GRM4: variants seen among roughly 807,000 people sequenced by gnomAD.
The protein encoded by GRM4 is metabotropic glutamate receptor 4.
GRM4 carries 28 observed loss-of-function variants against 81.7 expected under a neutral mutation model. The observed-to-expected ratio is 0.34, with a 90% confidence interval of 0.25 to 0.47. The LOEUF (loss-of-function observed/expected upper bound fraction) is 0.47. Ranked by LOEUF, GRM4 falls within the 20% of genes least tolerant of loss-of-function variation. The pLI is 1.00. For synonymous variants in GRM4, 488 were observed against 528.8 expected (o/e 0.92, Z 1.06); for missense variants, 948 against 1,290.0 (o/e 0.73, Z 4.06).
intron 2 of GRM4, among the ~76,000 whole-genome samples, chr6:34,126,845 G>A (rs1044064137): frequency 2.6e-5 from 4 of 152,210 alleles, no homozygotes; most frequent in Non-Finnish European, 5.9e-5. Flanking sequence ...CTATGGGTGG[G>A]GCGTAGAGCC....
At chr6:34,081,944 C>T (rs915106245) in intron 3 of GRM4, among the ~76,000 whole-genome samples, 1 of 152,176 alleles carries the variant, frequency 6.6e-6, no homozygotes, top group African/African-American at 2.4e-5. Context: ...AAGGCCCAAA[C>T]CCGAGCTGGG....
chr6:34,059,675 C>G lies in GRM4; in HGVS notation c.873-547G>C, dbSNP rs1169602990. The G allele has an allele frequency of 6.2e-6, 1 of 161,634 alleles. No individual in the cohort carries two copies. The highest frequency in any genetic ancestry group is 1.4e-5 in the Non-Finnish European group (1 of 73,750). 10.0% of individuals were successfully genotyped at this position (161,634 alleles called of 1,614,324 possible). ...GTCCTTCAGAGAGCTGCTCCCCACA[C>G]CCTGAGTGGGAGTGGGTGATGGAGG... On this transcript the variant is annotated intron_variant, in intron 4 of 10. Coordinates refer to ENST00000538487, the MANE Select transcript of GRM4 (RefSeq NM_000841.4). This position sits in a 1 kb window ranked among gnomAD's most constrained non-coding sequence, Gnocchi z 5.7.
At chr6:34,050,148 A>G (rs1244165117) in intron 6 of GRM4, among the ~76,000 whole-genome samples, 3 of 151,986 alleles carry the variant, frequency 2.0e-5, no homozygotes, top group Non-Finnish European at 4.4e-5. Context: ...TTGCTCCCCC[A>G]GGCTTGCCAG....
Position 34,036,382 on chromosome 6 carries a change from G to C in GRM4, c.1728C>G (p.Ile576Met). 6.2e-7 allele frequency: 1 copy of C among 1,612,456 alleles called. No homozygotes were observed. Among genetic ancestry groups the C allele is most frequent in the Non-Finnish European group, 8.5e-7 (1 of 1,178,792 alleles). ...PTENRTGCRP[I>M]PIIKLEWGSP... ...AGCCCCACTCAAGCTTGATGATGGG[G>C]ATGGGCCGGCAGCCCGTGCGGTTCT... is the stretch of plus-strand genomic sequence containing the variant. Residue 576 changes from isoleucine (I) to methionine (M), a missense_variant, in exon 9 of 11, where the codon ATC becomes ATG. Coordinates refer to ENST00000538487, the MANE Select transcript of GRM4 (RefSeq NM_000841.4). This position sits in a 1 kb window ranked among gnomAD's most constrained non-coding sequence, Gnocchi z 9.0.
chr6:34,060,949 C>G (rs924093611), intron 4 of GRM4: 1 of 152,342 alleles, frequency 6.6e-6, no homozygotes, highest in South Asian at 2.1e-4. Context: ...CTCCAGGGAC[C>G]CACCAATGGC....
intron 2 of GRM4, among the ~76,000 whole-genome samples, chr6:34,108,105 A>C (rs906750452): frequency 6.6e-6 from 1 of 152,200 alleles, no homozygotes; most frequent in Admixed American, 6.5e-5. Flanking sequence ...GCAGGGACCC[A>C]GCCCAGAGCA....
rs1764622868 is a variant in GRM4, at chr6:34,035,171, C to T, written c.2442+497G>A. ...AGGGAGAGAGGTAAGAGAAAGGAGTCTAGAAAAGAATGAAGAGTGAAGGAG... is the reference window on the plus strand; with the variant it reads ...AGGGAGAGAGGTAAGAGAAAGGAGTTTAGAAAAGAATGAAGAGTGAAGGAG... On this transcript the variant is annotated intron_variant, in intron 9 of 10. Coordinates refer to ENST00000538487, the MANE Select transcript of GRM4 (RefSeq NM_000841.4). This position sits in a 1 kb window ranked among gnomAD's most constrained non-coding sequence, Gnocchi z 6.6. 6.6e-6 allele frequency among the ~76,000 whole-genome samples: 1 copy of T among 150,938 alleles called. No individual in the cohort carries two copies. The highest frequency in any genetic ancestry group is 2.1e-4 in the South Asian group (1 of 4,782).
At chr6:34,054,118 G>A (rs1765745177) in intron 6 of GRM4, 1 of 151,660 alleles carries the variant, frequency 6.6e-6, no homozygotes, top group Non-Finnish European at 1.5e-5. Flanking sequence ...GCCCAGAAAG[G>A]TTGTAGAGCT....
At chr6:34,146,132 G>C (rs1770923459), upstream of GRM4, 1 of 985,506 alleles carries the variant, frequency 1.0e-6, no homozygotes, top group Non-Finnish European at 1.2e-6. Flanking sequence ...ACCCTGGTGC[G>C]TCACTGGAAC....
chr6:34,094,599 T>C (rs568702720), intron 2 of GRM4, among the ~76,000 whole-genome samples: 1 of 152,340 alleles, frequency 6.6e-6, no homozygotes, highest in South Asian at 2.1e-4. Flanking sequence ...CTTTGCACTC[T>C]TCACACTGTG....
chr6:34,035,095 G>C lies in GRM4; in HGVS notation c.2442+573C>G, dbSNP rs2127441955. ...TCCCATGGGGATCTTGTGAGGGGTA[G>C]ATGGAGGAGGGAGAAGAGAGGAGTG... On this transcript the variant is annotated intron_variant, in intron 9 of 10. Transcript: ENST00000538487. This position sits in a 1 kb window ranked among gnomAD's most constrained non-coding sequence, Gnocchi z 6.6. Among the ~76,000 whole-genome samples, 1 of 152,242 alleles carries C rather than the reference G, an allele frequency of 6.6e-6. No homozygotes were observed. The highest frequency in any genetic ancestry group is 2.1e-4 in the South Asian group (1 of 4,814).
In GRM4 at chr6:34,092,878, C is replaced by T. The variant is rs1347370731; in HGVS notation, c.520-779G>A. The stretch of plus-strand genomic sequence containing the variant: ...GGAATGAGACTCAGACCCCCTGCCT[C>T]CTGTAGATACACCCAACCATCCCCA... On this transcript the variant is annotated intron_variant, in intron 2 of 10. Transcript: ENST00000538487. The surrounding 1 kb of genome is among the most constrained non-coding windows in gnomAD (Gnocchi z 6.8). 1.3e-5 allele frequency among the ~76,000 whole-genome samples: 2 copies of T among 152,134 alleles called. No homozygotes were observed. The highest frequency in any genetic ancestry group is 2.9e-5 in the Non-Finnish European group (2 of 68,010).
chr6:34,058,333 G>A (rs1286342917), intron 5 of GRM4, among the ~76,000 whole-genome samples: 1 of 152,164 alleles, frequency 6.6e-6, no homozygotes. Context: ...CCCTCCTCAG[G>A]CCTCCGTGTC....
intron 2 of GRM4, among the ~76,000 whole-genome samples, chr6:34,128,369 T>A (rs1561829746): frequency 6.6e-6 from 1 of 151,394 alleles, no homozygotes; most frequent in Admixed American, 6.6e-5. Flanking sequence ...AACTCTTTTT[T>A]TTTTCTTTTC....
chr6:34,140,935 C>T (rs1770661701), intron 1 of GRM4, among the ~76,000 whole-genome samples: 1 of 152,232 alleles, frequency 6.6e-6, no homozygotes, highest in African/African-American at 2.4e-5. Context: ...GGGAGACTTC[C>T]ATCCCTCGGC....
At chr6:34,146,167 G>A (rs1002630577), upstream of GRM4, 4 of 984,746 alleles carry the variant, frequency 4.1e-6, no homozygotes, top group Admixed American at 1.2e-4. Context: ...CGCACGTGGC[G>A]TATGCCCCCA....
intron 2 of GRM4, chr6:34,102,137 A>G: frequency 6.5e-7 from 1 of 1,535,570 alleles, no homozygotes; most frequent in Non-Finnish European, 8.7e-7. Flanking sequence ...GCCAGCCGGA[A>G]GGACTGGGGC....
chr6:34,139,815 G>C (rs996077264), intron 1 of GRM4, among the ~76,000 whole-genome samples: 1 of 152,202 alleles, frequency 6.6e-6, no homozygotes, highest in African/African-American at 2.4e-5. Context: ...TCTGTTGTGT[G>C]CTCAAGCATA....
chr6:34,047,520 G>A lies in GRM4; in HGVS notation c.1169-6772C>T, dbSNP rs762218106. Among the ~76,000 whole-genome samples, 5 of 152,072 alleles carry A rather than the reference G, an allele frequency of 3.3e-5. No homozygotes were observed. Among genetic ancestry groups the A allele is most frequent in the East Asian group, 3.9e-4 (2 of 5,192 alleles). ...GGATCTCCCTGGCCCAGAGTCACAC[G>A]CTTGCTTTTCAGCCCTATACCGCAG... On this transcript the variant is annotated intron_variant, in intron 6 of 10. Coordinates refer to ENST00000538487, the MANE Select transcript of GRM4 (RefSeq NM_000841.4). This position sits in a 1 kb window ranked among gnomAD's most constrained non-coding sequence, Gnocchi z 4.5.
Sources: allele counts gnomAD v4.1 joint callset (sites outside exome capture counted in the v4.1 genomes callset), GRCh38; gene constraint gnomAD v4.1.1; non-coding constraint Gnocchi (gnomAD v3.1); transcripts MANE v1.5; gene names NCBI Gene and HGNC (gene_info 2026-07-23, HGNC 2026-07-21).